Variants in INPP4B observed in about 807,000 individuals in gnomAD.
The protein encoded by INPP4B is inositol polyphosphate 4-phosphatase type II.
A neutral mutation model predicts 122.5 loss-of-function variants in INPP4B; 55 were observed. The observed-to-expected ratio is 0.45, with a 90% CI of 0.36 to 0.56. The LOEUF (loss-of-function observed/expected upper bound fraction) is 0.56. Ranked by LOEUF, INPP4B falls within the 20% of genes least tolerant of loss-of-function variation. INPP4B has a pLI of 0.00. For missense variants in INPP4B, 1,000 were observed against 1,097.7 expected (o/e 0.91, Z 1.26); for synonymous variants, 403 against 388.7 (o/e 1.04, Z -0.43).
chr4:142,411,095 C>T (rs969763843), intron 5 of INPP4B, among the ~76,000 whole-genome samples: 2 of 152,080 alleles, frequency 1.3e-5, no homozygotes, highest in South Asian at 2.1e-4. Context: ...CAGATGTGTA[C>T]ACTTGCACTT....
At chr4:142,333,568 A>C (rs1775496650) in intron 7 of INPP4B, among the ~76,000 whole-genome samples, 1 of 152,212 alleles carries the variant, frequency 6.6e-6, no homozygotes, top group Non-Finnish European at 1.5e-5. Context: ...ATATACAAGG[A>C]AAGAAAGACT....
chr4:142,435,241 G>A (rs1810175493), intron 3 of INPP4B, among the ~76,000 whole-genome samples: 2 of 152,150 alleles, frequency 1.3e-5, no homozygotes, highest in African/African-American at 4.8e-5. Flanking sequence ...GTAGTGGATA[G>A]GAAGTTAAAA....
intron 11 of INPP4B, among the ~76,000 whole-genome samples, chr4:142,256,304 C>T (rs1314010265): frequency 1.3e-5 from 2 of 151,560 alleles, no homozygotes; most frequent in African/African-American, 4.9e-5. Context: ...ACTAGAAAAG[C>T]AAGAGCAAAC....
At chr4:142,345,560 CA>C (rs1282583132) in intron 7 of INPP4B, among the ~76,000 whole-genome samples, 1 of 151,966 alleles carries the variant, frequency 6.6e-6, no homozygotes, top group Non-Finnish European at 1.5e-5. Flanking sequence ...GAATAGTACA[CA>C]TGGACACAAG....
At chr4:142,493,549 C>A (rs1822144006) in intron 2 of INPP4B, among the ~76,000 whole-genome samples, 1 of 152,148 alleles carries the variant, frequency 6.6e-6, no homozygotes, top group African/African-American at 2.4e-5. Flanking sequence ...CAAAGGAGAT[C>A]ATTTTGGAAC....
At chr4:142,647,892 G>A (rs145432178) in intron 2 of INPP4B, among the ~76,000 whole-genome samples, 21 of 152,332 alleles carry the variant, frequency 1.4e-4, no homozygotes, top group Admixed American at 2.6e-4. Flanking sequence ...TTGTTCTACC[G>A]TTGTTTTCCA....
At chr4:142,454,646 T>C (rs1228371420) in intron 3 of INPP4B, among the ~76,000 whole-genome samples, 1 of 152,058 alleles carries the variant, frequency 6.6e-6, no homozygotes, top group East Asian at 1.9e-4. Flanking sequence ...AGCAAAGTGG[T>C]TGGGACCAAT....
At chr4:142,659,072 A>G (rs1164348449) in intron 2 of INPP4B, among the ~76,000 whole-genome samples, 1 of 152,138 alleles carries the variant, frequency 6.6e-6, no homozygotes, top group Non-Finnish European at 1.5e-5. Flanking sequence ...TCTATTTTGC[A>G]AACCATTCAG....
At chr4:142,241,269 T>C (rs1469950846) in intron 11 of INPP4B, among the ~76,000 whole-genome samples, 1 of 152,126 alleles carries the variant, frequency 6.6e-6, no homozygotes, top group Non-Finnish European at 1.5e-5. Context: ...TTGCTAAAAA[T>C]ATCATGCGAC....
chr4:142,043,576 A>C (rs1224388400), intron 25 of INPP4B, among the ~76,000 whole-genome samples: 1 of 152,152 alleles, frequency 6.6e-6, no homozygotes, highest in Non-Finnish European at 1.5e-5. Flanking sequence ...GAAGAATGGC[A>C]GATGTATTTG....
intron 15 of INPP4B, among the ~76,000 whole-genome samples, chr4:142,177,254 T>C (rs1828747402): frequency 9.0e-5 from 1 of 11,138 alleles, no homozygotes; most frequent in Admixed American, 1.5e-3. Context: ...TGAAATAGTA[T>C]GGTATGGAAA....
intron 2 of INPP4B, among the ~76,000 whole-genome samples, chr4:142,617,240 C>A (rs115677251): frequency 0.014 from 2,057 of 152,156 alleles, 36 homozygotes; most frequent in African/African-American, 0.039. Flanking sequence ...ATACTCTGTG[C>A]CTACAGCCGC....
chr4:142,597,051 A>C (rs76152867), intron 2 of INPP4B, among the ~76,000 whole-genome samples: 3,674 of 152,310 alleles, frequency 0.024, 57 homozygotes, highest in Middle Eastern at 0.088. Context: ...GGACTAGAGG[A>C]TTTACATAAT....
intron 1 of INPP4B, among the ~76,000 whole-genome samples, chr4:142,791,731 G>A (rs539277789): frequency 2.0e-5 from 3 of 152,078 alleles, no homozygotes; most frequent in Admixed American, 6.6e-5. Flanking sequence ...TTTTGCGTTC[G>A]TTTTCAGCTA....
intron 7 of INPP4B, among the ~76,000 whole-genome samples, chr4:142,360,990 T>C (rs1579844314): frequency 6.6e-6 from 1 of 151,922 alleles, no homozygotes; most frequent in Non-Finnish European, 1.5e-5. Flanking sequence ...GCTCTTTGAG[T>C]GTCATCCTTG....
intron 7 of INPP4B, among the ~76,000 whole-genome samples, chr4:142,391,502 C>A (rs1305232251): frequency 6.6e-6 from 1 of 152,116 alleles, no homozygotes; most frequent in African/African-American, 2.4e-5. Context: ...GCAGAGGTTG[C>A]AGTAAGCCGA....
intron 25 of INPP4B, among the ~76,000 whole-genome samples, chr4:142,058,441 A>G (rs1758841281): frequency 6.6e-6 from 1 of 152,006 alleles, no homozygotes; most frequent in African/African-American, 2.4e-5. Context: ...ATTGTGCTTG[A>G]TTTTTTCTTT....
At chr4:142,512,617 A>G (rs770946932) in intron 2 of INPP4B, among the ~76,000 whole-genome samples, 1 of 152,072 alleles carries the variant, frequency 6.6e-6, no homozygotes, top group South Asian at 2.1e-4. Context: ...CACCTCCCCA[A>G]AATTTTCTGT....
Position 142,541,324 on chromosome 4 carries a change from A to G in INPP4B, c.-190-78598T>C, listed in dbSNP as rs144538878. Among the ~76,000 whole-genome samples the G allele has an allele frequency of 2.7e-3, 413 of 152,282 alleles. 1 individual carries two copies. Among genetic ancestry groups the G allele is most frequent in the African/African-American group, 9.4e-3 (392 of 41,554 alleles). ...CAGATTTAAATCCAGGCAATTGGCA[A>G]TAAGTAGAAAATTAACATCTTTCCA... On this transcript the variant is annotated intron_variant, in intron 2 of 25. Transcript: ENST00000262992.
Sources: gnomAD v4.1 joint callset for allele counts (sites outside exome capture counted in the v4.1 genomes callset) on GRCh38, gnomAD v4.1.1 for gene constraint, MANE v1.5 for transcripts, NCBI Gene and HGNC (gene_info 2026-07-23, HGNC 2026-07-21) for gene names.